The following CDH8 variants were observed in gnomAD, a reference collection of about 807,000 sequenced individuals.
CDH8 encodes cadherin-8.
In CDH8, 17 loss-of-function variants were observed where a neutral mutation model predicts 68.1. The ratio of observed to expected loss-of-function variants is 0.25; its 90% CI spans 0.17 to 0.37. CDH8 has a LOEUF of 0.37. Among genes scored for constraint, CDH8 ranks in the 10% least tolerant of loss-of-function variants. The pLI is 1.00. For synonymous variants in CDH8, 372 were observed against 365.1 expected (o/e 1.02, Z -0.21); for missense variants, 763 against 999.3 (o/e 0.76, Z 3.19).
intron 10 of CDH8, among the ~76,000 whole-genome samples, chr16:61,675,314 T>C (rs1410388210): frequency 1.3e-5 from 2 of 151,518 alleles, no homozygotes; most frequent in Admixed American, 6.6e-5. Flanking sequence ...ATGGATGAAA[T>C]TGGAAATCAT....
chr16:61,815,141 G>C (rs143968399), intron 7 of CDH8, among the ~76,000 whole-genome samples: 15 of 152,262 alleles, frequency 9.9e-5, no homozygotes, highest in African/African-American at 3.6e-4. Context: ...TCATCAAATA[G>C]TGCTTTATCT....
At chr16:61,758,054 T>C (rs1416506567) in intron 8 of CDH8, among the ~76,000 whole-genome samples, 1 of 152,172 alleles carries the variant, frequency 6.6e-6, no homozygotes, top group Non-Finnish European at 1.5e-5. Flanking sequence ...GAGAATATTG[T>C]TAGTAAAAAC....
intron 2 of CDH8, among the ~76,000 whole-genome samples, chr16:61,935,985 G>A (rs1362848633): frequency 6.6e-6 from 1 of 152,114 alleles, no homozygotes; most frequent in South Asian, 2.1e-4. Flanking sequence ...TGAATTTACT[G>A]AGTTCAAATC....
At position 61,865,755 on chromosome 16, in the gene CDH8, A is replaced by C. The variant is rs184009412; in HGVS notation, c.548-8517T>G. Reference sequence around the variant, plus strand: ...TTCTTTTCATGGGCTGCTTATTCCCAGGAATCAAACCTTTGCTAATTTGTT... The same window carrying C: ...TTCTTTTCATGGGCTGCTTATTCCCCGGAATCAAACCTTTGCTAATTTGTT... On this transcript the variant is annotated intron_variant, in intron 3 of 11. Transcript: ENST00000577390. Among the ~76,000 whole-genome samples, 994 of 152,340 alleles carry C rather than the reference A, an allele frequency of 6.5e-3. 11 individuals are homozygous for C. Among genetic ancestry groups the C allele is most frequent in the Admixed American group, 0.027 (415 of 15,292 alleles).
chr16:62,021,347 T>C lies in CDH8; in HGVS notation c.57A>G (p.Leu19=), dbSNP rs1490260923. 2 of 1,613,950 alleles carry C rather than the reference T, an allele frequency of 1.2e-6. No homozygotes were observed. Among genetic ancestry groups the C allele is most frequent in the Non-Finnish European group, 1.7e-6 (2 of 1,179,886 alleles). ...LLDLWTPLII[L]WITLPPCIYM... is the part of the protein sequence containing the mutation. ...AAATGCAAGGGGGAAGAGTAATCCA[T>C]AATATTATTAATGGAGTCCAGAGAT... The change falls in exon 2 of 12, where the codon TTA becomes TTG. Residue 19 remains leucine (L), a synonymous_variant. Transcript: ENST00000577390.
intron 2 of CDH8, among the ~76,000 whole-genome samples, chr16:62,005,386 T>G (rs560060064): frequency 6.6e-6 from 1 of 152,256 alleles, no homozygotes; most frequent in Middle Eastern, 3.4e-3. Flanking sequence ...CCATCTTAGA[T>G]GATGTGAAGC....
chr16:61,974,242 G>A (rs1365806652), intron 2 of CDH8, among the ~76,000 whole-genome samples: 1 of 152,216 alleles, frequency 6.6e-6, no homozygotes, highest in Non-Finnish European at 1.5e-5. Flanking sequence ...GGCATATGAT[G>A]AGTTTCAGTA....
At chr16:61,974,479 C>T (rs1230673795) in intron 2 of CDH8, among the ~76,000 whole-genome samples, 2 of 152,114 alleles carry the variant, frequency 1.3e-5, no homozygotes, top group African/African-American at 4.8e-5. Flanking sequence ...CCATGAAATC[C>T]AAGACATCCA....
At chr16:61,682,424 C>A (rs1964030193) in intron 10 of CDH8, among the ~76,000 whole-genome samples, 1 of 151,904 alleles carries the variant, frequency 6.6e-6, no homozygotes, top group Admixed American at 6.6e-5. Context: ...CTTTTAAATA[C>A]CCATTTGCCA....
chr16:61,959,739 TATG>T (rs1431250225), intron 2 of CDH8, among the ~76,000 whole-genome samples: 4 of 150,618 alleles, frequency 2.7e-5, no homozygotes, highest in African/African-American at 4.9e-5. Flanking sequence ...CACACATATG[TATG>T]ATATCTATAT....
At chr16:61,758,492 G>T (rs918603130) in intron 8 of CDH8, among the ~76,000 whole-genome samples, 2 of 152,074 alleles carry the variant, frequency 1.3e-5, no homozygotes, top group African/African-American at 4.8e-5. Context: ...GAGTGCAATG[G>T]CATGACCTTG....
At chr16:61,745,504 T>C (rs1253581319) in intron 8 of CDH8, among the ~76,000 whole-genome samples, 1 of 151,932 alleles carries the variant, frequency 6.6e-6, no homozygotes, top group Non-Finnish European at 1.5e-5. Context: ...ACTTTCGCTT[T>C]ACATATAATC....
At chr16:61,943,863 C>T (rs866691402) in intron 2 of CDH8, among the ~76,000 whole-genome samples, 1 of 152,092 alleles carries the variant, frequency 6.6e-6, no homozygotes, top group African/African-American at 2.4e-5. Context: ...ATTCTCAAAG[C>T]AACAGAAGAG....
intron 2 of CDH8, among the ~76,000 whole-genome samples, chr16:61,984,891 A>C (rs1029743725): frequency 6.6e-5 from 10 of 152,132 alleles, no homozygotes; most frequent in African/African-American, 2.2e-4. Context: ...ATTTTCCCTG[A>C]GCTATTTATC....
chr16:61,978,646 C>T (rs1200203900), intron 2 of CDH8, among the ~76,000 whole-genome samples: 1 of 152,088 alleles, frequency 6.6e-6, no homozygotes, highest in Non-Finnish European at 1.5e-5. Flanking sequence ...CCCCACTTGA[C>T]ATATGAGAAA....
intron 8 of CDH8, among the ~76,000 whole-genome samples, chr16:61,779,686 AAT>A (rs1193396241): frequency 6.6e-6 from 1 of 152,104 alleles, no homozygotes; most frequent in African/African-American, 2.4e-5. Flanking sequence ...TCAGTTTCCT[AAT>A]CTATAAAATG....
intron 2 of CDH8, among the ~76,000 whole-genome samples, chr16:61,964,989 A>G (rs1965222326): frequency 6.6e-6 from 1 of 152,074 alleles, no homozygotes; most frequent in Admixed American, 6.5e-5. Flanking sequence ...CCTCTTATAC[A>G]TCTAGTTCTT....
intron 10 of CDH8, among the ~76,000 whole-genome samples, chr16:61,704,640 T>C (rs1964496892): frequency 6.6e-6 from 1 of 152,220 alleles, no homozygotes; most frequent in Admixed American, 6.5e-5. Flanking sequence ...AGTGCTTTTG[T>C]TCCAACATTT....
At chr16:61,714,558 AGG>A (rs1041557472) in intron 9 of CDH8, among the ~76,000 whole-genome samples, 105 of 151,706 alleles carry the variant, frequency 6.9e-4, no homozygotes, top group African/African-American at 2.5e-3. Flanking sequence ...AATAAATTAT[AGG>A]GATTAGAATT....
Sources: gnomAD v4.1 joint callset for allele counts (sites outside exome capture counted in the v4.1 genomes callset) on GRCh38, gnomAD v4.1.1 for gene constraint, MANE v1.5 for transcripts, NCBI Gene and HGNC (gene_info 2026-07-23, HGNC 2026-07-21) for gene names.